The following ARHGAP18 variants were observed in gnomAD, a reference collection of about 807,000 sequenced individuals.
ARHGAP18 encodes rho GTPase-activating protein 18.
In ARHGAP18, 67 loss-of-function variants were observed where a neutral mutation model predicts 86.2. The ratio of observed to expected loss-of-function variants is 0.78; its 90% CI spans 0.64 to 0.95. The LOEUF (loss-of-function observed/expected upper bound fraction) is 0.95, where lower values mean the gene tolerates loss of function less well. Ranked by LOEUF, ARHGAP18 falls within the 40% of genes least tolerant of loss-of-function variation. The pLI is 0.00. For missense variants in ARHGAP18, 691 were observed against 780.4 expected, an observed-to-expected ratio of 0.89 and a Z score of 1.37; for synonymous variants, 283 against 280.4, an observed-to-expected ratio of 1.01 and a Z score of -0.09.
chr6:129,686,046 G>C (rs1774418669), intron 1 of ARHGAP18, among the ~76,000 whole-genome samples: 1 of 152,200 alleles, frequency 6.6e-6, no homozygotes, highest in Non-Finnish European at 1.5e-5. Flanking sequence ...GGAAAAGTCT[G>C]TGCTAAAGGA....
intron 1 of ARHGAP18, among the ~76,000 whole-genome samples, chr6:129,655,305 G>A (rs1243644725): frequency 2.5e-5 from 2 of 80,860 alleles, no homozygotes; most frequent in Admixed American, 1.8e-4. Flanking sequence ...GGTGACAAGA[G>A]CAAAACTCTC....
intron 3 of ARHGAP18, 92 bp downstream of exon 3, chr6:129,638,302 A>T: frequency 7.9e-7 from 1 of 1,268,190 alleles, no homozygotes; most frequent in Non-Finnish European, 1.1e-6. Context: ...ATAGGTGATC[A>T]TTACGTTTTT....
intron 12 of ARHGAP18, among the ~76,000 whole-genome samples, chr6:129,593,101 G>A (rs1028913894): frequency 6.6e-6 from 1 of 152,082 alleles, no homozygotes; most frequent in Admixed American, 6.6e-5. Context: ...GTCCTGCCCT[G>A]GGAGAGTCTG....
chr6:129,685,138 A>T (rs552978832), intron 1 of ARHGAP18, among the ~76,000 whole-genome samples: 1 of 152,296 alleles, frequency 6.6e-6, no homozygotes, highest in East Asian at 1.9e-4. Context: ...ACCTTGAGCA[A>T]GTTTTCTTCA....
intron 12 of ARHGAP18, 155 bp downstream of exon 12, chr6:129,599,061 A>G: frequency 1.7e-6 from 1 of 582,882 alleles, no homozygotes; most frequent in South Asian, 2.9e-5. Flanking sequence ...TAGCAGCAGT[A>G]GTAGGAAGAC....
At chr6:129,708,593 T>C (rs1774842251) in intron 1 of ARHGAP18, among the ~76,000 whole-genome samples, 1 of 152,162 alleles carries the variant, frequency 6.6e-6, no homozygotes, top group Admixed American at 6.5e-5. Flanking sequence ...ACTCAGTCCT[T>C]AAGGTCCTTT....
intron 1 of ARHGAP18, among the ~76,000 whole-genome samples, chr6:129,687,397 C>A (rs1774448615): frequency 6.6e-6 from 1 of 152,148 alleles, no homozygotes; most frequent in African/African-American, 2.4e-5. Context: ...GTTAAGAAAG[C>A]GTTTCCTGCC....
At chr6:129,608,214 A>C (rs1284888031) in intron 8 of ARHGAP18, among the ~76,000 whole-genome samples, 162 bp from the exon 9 acceptor site, 1 of 152,092 alleles carries the variant, frequency 6.6e-6, no homozygotes, top group Non-Finnish European at 1.5e-5. Flanking sequence ...TCAGAAAAAA[A>C]ACTACTCCTC....
intron 5 of ARHGAP18, among the ~76,000 whole-genome samples, chr6:129,626,039 TAC>T (rs1224542952): frequency 6.6e-4 from 73 of 110,008 alleles, no homozygotes; most frequent in South Asian, 1.0e-3. Context: ...TCTATATATA[TAC>T]ACACACACAT....
chr6:129,650,302 G>T (rs1373290349), intron 1 of ARHGAP18, among the ~76,000 whole-genome samples: 1 of 152,090 alleles, frequency 6.6e-6, no homozygotes, highest in Non-Finnish European at 1.5e-5. Flanking sequence ...AGGGAGGGAA[G>T]GCCTAGAACG....
chr6:129,630,658 T>C (rs138620070), intron 4 of ARHGAP18, among the ~76,000 whole-genome samples: 2 of 152,328 alleles, frequency 1.3e-5, no homozygotes, highest in African/African-American at 4.8e-5. Context: ...AAATCAAGTT[T>C]AGAAGTAAAT....
intron 1 of ARHGAP18, among the ~76,000 whole-genome samples, chr6:129,688,968 G>A (rs1774480417): frequency 1.3e-5 from 2 of 152,050 alleles, no homozygotes; most frequent in Admixed American, 6.6e-5. Flanking sequence ...CTGTCTCCTT[G>A]AGAATCTCAA....
chr6:129,677,698 A>C (rs1306047787), intron 1 of ARHGAP18, among the ~76,000 whole-genome samples: 2 of 152,162 alleles, frequency 1.3e-5, no homozygotes, highest in African/African-American at 4.8e-5. Context: ...TGGCTACACT[A>C]TTTCTCAGAA....
chr6:129,655,590 T>C (rs1206248393), intron 1 of ARHGAP18, among the ~76,000 whole-genome samples: 1 of 151,934 alleles, frequency 6.6e-6, no homozygotes, highest in Non-Finnish European at 1.5e-5. Flanking sequence ...ACTTAGAACT[T>C]TTTCTTGTTC....
chr6:129,657,251 T>C (rs4499954), intron 1 of ARHGAP18, among the ~76,000 whole-genome samples: 43,548 of 151,952 alleles, frequency 0.29, 6,199 homozygotes, highest in Admixed American at 0.3. Context: ...CCATGGTTCT[T>C]GTTTCTTTTT....
At chr6:129,614,451 T>C (rs887178689) in intron 7 of ARHGAP18, among the ~76,000 whole-genome samples, 11 of 152,200 alleles carry the variant, frequency 7.2e-5, no homozygotes, top group Non-Finnish European at 2.9e-5. Flanking sequence ...AGGGCCATTA[T>C]CCAATCCTTC....
chr6:129,579,946 C>T, intron 14 of ARHGAP18, 124 bp downstream of exon 14: 1 of 817,324 alleles, frequency 1.2e-6, no homozygotes, highest in Non-Finnish European at 1.9e-6. Flanking sequence ...CAATATTCAG[C>T]AACTTATCTA....
rs1562674392 is a variant in ARHGAP18, at chr6:129,580,102, T to C, written c.1868A>G (p.Glu623Gly). 6.2e-7 allele frequency: 1 copy of C among 1,613,692 alleles called. No homozygotes were observed. The highest frequency in any genetic ancestry group is 1.1e-5 in the South Asian group (1 of 91,058). Residue 623 changes from glutamate (E) to glycine (G), a missense_variant, in exon 14 of 15, where the codon GAA becomes GGA. Glu to Gly is a moderately conservative substitution (Grantham distance 98). Coordinates refer to ENST00000368149, the MANE Select transcript of ARHGAP18 (RefSeq NM_033515.3). ...SGVAQTLKKG[E>G]VFLYEIGGNI... ...TCCTCCAATTTCATACAAAAAAACT[T>C]CTCCTTTCTTGAGAGTCTGGGCAAC...
intron 1 of ARHGAP18, among the ~76,000 whole-genome samples, chr6:129,658,528 C>T (rs749643175): frequency 2.0e-5 from 3 of 151,912 alleles, no homozygotes; most frequent in Admixed American, 6.6e-5. Context: ...AATTTTAAAT[C>T]AGCAAAATTA....
Sources: allele counts gnomAD v4.1 joint callset (sites outside exome capture counted in the v4.1 genomes callset), GRCh38; gene constraint gnomAD v4.1.1; transcripts MANE v1.5; gene names NCBI Gene and HGNC (gene_info 2026-07-23, HGNC 2026-07-21).